Variants in ATP2C2 observed in about 807,000 individuals in gnomAD.
The protein encoded by ATP2C2 is calcium-transporting ATPase type 2C member 2.
A neutral mutation model predicts 110.8 loss-of-function variants in ATP2C2; 171 were observed. The ratio of observed to expected loss-of-function variants is 1.54; its 90% CI spans 1.36 to 1.75. The LOEUF is 1.75. ATP2C2 is among the 40% of genes most tolerant of loss of function. The pLI is 0.00. For synonymous variants in ATP2C2, 804 were observed against 508.4 expected (o/e 1.58, Z -7.82); for missense variants, 1,963 against 1,235.0 (o/e 1.59, Z -8.84).
At chr16:84,460,854 C>G in intron 24 of ATP2C2, 53 bp downstream of exon 24, 1 of 1,553,818 alleles carries the variant, frequency 6.4e-7, no homozygotes, top group Non-Finnish European at 8.7e-7. Flanking sequence ...GGTGCAGACG[C>G]TGGGGACTGC....
intron 2 of ATP2C2, among the ~76,000 whole-genome samples, chr16:84,399,865 C>A (rs919303804): frequency 2.0e-5 from 3 of 152,138 alleles, no homozygotes; most frequent in South Asian, 2.1e-4. Flanking sequence ...CTTATTTATT[C>A]TTTCTGACTA....
intron 1 of ATP2C2, among the ~76,000 whole-genome samples, chr16:84,375,561 G>T (rs1304421276): frequency 6.7e-6 from 1 of 149,104 alleles, no homozygotes; most frequent in Non-Finnish European, 1.5e-5. Flanking sequence ...AAAAAAGAAA[G>T]AAAGAAAAAT....
chr16:84,406,628 T>C (rs2150521375), intron 3 of ATP2C2: 1 of 985,594 alleles, frequency 1.0e-6, no homozygotes, highest in South Asian at 4.7e-5. Flanking sequence ...CGATGCGTTT[T>C]GGCAGCAAAA....
At chr16:84,422,998 T>G (rs375151758) in intron 9 of ATP2C2, among the ~76,000 whole-genome samples, 190 bp from the exon 10 acceptor site, 2 of 152,124 alleles carry the variant, frequency 1.3e-5, no homozygotes, top group African/African-American at 4.8e-5. Context: ...TGTTAGCATT[T>G]TGATAAAGAT....
intron 11 of ATP2C2, among the ~76,000 whole-genome samples, chr16:84,431,756 T>A (rs1170992237): frequency 6.6e-6 from 1 of 152,166 alleles, no homozygotes; most frequent in Non-Finnish European, 1.5e-5. Context: ...CCTAACCTCA[T>A]CATCAGAGCC....
At chr16:84,405,292 A>G (rs1473267455) in intron 3 of ATP2C2, 48 bp downstream of exon 3, 2 of 1,483,942 alleles carry the variant, frequency 1.3e-6, no homozygotes, top group African/African-American at 2.8e-5. Flanking sequence ...TAAGCCAGCG[A>G]GGGTGGGGCA....
chr16:84,422,833 A>T (rs868521142), intron 9 of ATP2C2, 136 bp downstream of exon 9: 16 of 848,150 alleles, frequency 1.9e-5, no homozygotes, highest in East Asian at 3.3e-5. Context: ...TAAACATTTA[A>T]TTTTTTTTTT....
chr16:84,369,620 A>G (rs562147978), intron 1 of ATP2C2, among the ~76,000 whole-genome samples: 2 of 152,192 alleles, frequency 1.3e-5, no homozygotes, highest in African/African-American at 4.8e-5. Flanking sequence ...CAGTGAAAGG[A>G]AACTTCAAAG....
chr16:84,394,008 A>C (rs1904820124), intron 1 of ATP2C2, among the ~76,000 whole-genome samples: 1 of 139,436 alleles, frequency 7.2e-6, no homozygotes, highest in Admixed American at 6.9e-5. Context: ...ATACCAAAAA[A>C]AATAAAAAAA....
intron 3 of ATP2C2, among the ~76,000 whole-genome samples, chr16:84,405,886 C>G (rs1392157721): frequency 6.6e-6 from 1 of 152,188 alleles, no homozygotes; most frequent in Non-Finnish European, 1.5e-5. Flanking sequence ...TGCCACTGTG[C>G]TCCAGCCTGG....
In ATP2C2 at chr16:84,452,031, G is replaced by A. The variant is rs199755716; in HGVS notation, c.1771G>A (p.Glu591Lys). The A allele has an allele frequency of 3.7e-5, 59 of 1,613,774 alleles. No individual in the cohort carries two copies. In the Middle Eastern group the frequency reaches 6.6e-4, roughly 18 times the overall value. ...GVKEAVQVLSESGVSVKMITG... is the reference protein window; with the variant it reads ...GVKEAVQVLSKSGVSVKMITG... ...GAAGGAAGCAGTCCAGGTTCTCTCC[G>A]AGTCTGGTGTGTCTGTGAAGATGAT... Residue 591 changes from glutamate (E) to lysine (K), a missense_variant, in exon 18 of 27, where the codon GAG becomes AAG. Physicochemically the swap from Glu to Lys is moderately conservative, Grantham distance 56. Transcript: ENST00000262429.
At chr16:84,432,249 C>G (rs1216848709) in intron 11 of ATP2C2, among the ~76,000 whole-genome samples, 3 of 152,280 alleles carry the variant, frequency 2.0e-5, no homozygotes, top group Admixed American at 2.0e-4. Flanking sequence ...TGTTGAGACT[C>G]ACATTTCTTT....
At chr16:84,392,274 A>G (rs1904707895) in intron 1 of ATP2C2, among the ~76,000 whole-genome samples, 1 of 152,198 alleles carries the variant, frequency 6.6e-6, no homozygotes, top group Non-Finnish European at 1.5e-5. Context: ...TCTTTAAAAT[A>G]TCACAATTAC....
intron 1 of ATP2C2, among the ~76,000 whole-genome samples, chr16:84,388,254 G>A (rs1904432414): frequency 6.6e-6 from 1 of 152,136 alleles, no homozygotes; most frequent in Non-Finnish European, 1.5e-5. Context: ...GAACCCGGGA[G>A]GCAGAGGTTG....
At chr16:84,394,162 C>T (rs1904834515) in intron 1 of ATP2C2, among the ~76,000 whole-genome samples, 1 of 152,014 alleles carries the variant, frequency 6.6e-6, no homozygotes, top group Non-Finnish European at 1.5e-5. Context: ...CCAGCCTGAG[C>T]AACAGAGCAA....
chr16:84,447,124 C>T (rs766213501), intron 16 of ATP2C2, among the ~76,000 whole-genome samples: 1 of 152,138 alleles, frequency 6.6e-6, no homozygotes, highest in East Asian at 1.9e-4. Flanking sequence ...TTGTTGCCTT[C>T]TACCGTTTTC....
intron 7 of ATP2C2, 73 bp downstream of exon 7, chr16:84,415,664 T>C: frequency 1.7e-6 from 2 of 1,193,674 alleles, no homozygotes; most frequent in Admixed American, 2.1e-5. Context: ...TAGCTAATTG[T>C]AGGCATGTAT....
At chr16:84,418,789 A>C (rs547285441) in intron 7 of ATP2C2, among the ~76,000 whole-genome samples, 2 of 152,334 alleles carry the variant, frequency 1.3e-5, no homozygotes, top group East Asian at 3.9e-4. Context: ...AGTTTCCTCC[A>C]TGTATCCGTT....
Position 84,435,610 on chromosome 16 carries a change from G to A in ATP2C2, c.987-3556G>A, listed in dbSNP as rs1908665967. 2.0e-5 allele frequency among the ~76,000 whole-genome samples: 3 copies of A among 152,216 alleles called. No homozygotes were observed. In the South Asian group the frequency reaches 6.2e-4, roughly 32 times the overall value. On this transcript the variant is annotated intron_variant, in intron 11 of 26. Transcript: ENST00000262429. Reference sequence around the variant, plus strand: ...GAATGCTGAGGAGGGAGGATCACTTGAGCCCAGAAGTTCAAGACCAGCCTG... The same window carrying A: ...GAATGCTGAGGAGGGAGGATCACTTAAGCCCAGAAGTTCAAGACCAGCCTG...
Sources: allele counts gnomAD v4.1 joint callset (sites outside exome capture counted in the v4.1 genomes callset), GRCh38; gene constraint gnomAD v4.1.1; transcripts MANE v1.5; gene names NCBI Gene and HGNC (gene_info 2026-07-23, HGNC 2026-07-21).